Variants in LRRC4C observed in about 807,000 individuals in gnomAD.
LRRC4C encodes leucine-rich repeat-containing protein 4C.
Under a neutral mutation model 33.6 loss-of-function variants are expected in LRRC4C, and 5 were observed. That is an observed-to-expected ratio of 0.15 (90% confidence interval 0.08 to 0.31). The LOEUF (loss-of-function observed/expected upper bound fraction) is 0.31. Ranked by LOEUF, LRRC4C falls within the 10% of genes least tolerant of loss-of-function variation. LRRC4C has a pLI of 1.00. For missense variants in LRRC4C, 560 were observed against 796.7 expected, an observed-to-expected ratio of 0.70 and a Z score of 3.58; for synonymous variants, 329 against 302.0, an observed-to-expected ratio of 1.09 and a Z score of -0.93.
chr11:40,300,936 G>A (rs950118980), intron 4 of LRRC4C, among the ~76,000 whole-genome samples: 2 of 152,216 alleles, frequency 1.3e-5, no homozygotes, highest in Non-Finnish European at 2.9e-5. Flanking sequence ...AGAAGAGCTA[G>A]GACAGGTGTG....
intron 2 of LRRC4C, among the ~76,000 whole-genome samples, chr11:40,736,105 C>A (rs1339841627): frequency 6.6e-6 from 1 of 151,970 alleles, no homozygotes; most frequent in Non-Finnish European, 1.5e-5. Flanking sequence ...TGGTGGTTTT[C>A]TGTACCCATC....
chr11:40,895,338 C>T (rs902694759), intron 2 of LRRC4C, among the ~76,000 whole-genome samples: 1 of 45,060 alleles, frequency 2.2e-5, no homozygotes, highest in Non-Finnish European at 6.9e-5. Flanking sequence ...TTAAAAAATC[C>T]CCCTCACTAA....
chr11:40,432,679 G>A (rs1016091365), intron 3 of LRRC4C, among the ~76,000 whole-genome samples: 10 of 152,124 alleles, frequency 6.6e-5, no homozygotes, highest in African/African-American at 2.4e-4. Flanking sequence ...GACTCTAACA[G>A]TTTCCTTCTG....
chr11:40,604,902 G>T (rs1476195880), intron 3 of LRRC4C, among the ~76,000 whole-genome samples: 5 of 151,998 alleles, frequency 3.3e-5, no homozygotes, highest in Middle Eastern at 3.2e-3. Context: ...ATGTGAGAAG[G>T]CACAAAGTCC....
intron 1 of LRRC4C, among the ~76,000 whole-genome samples, chr11:41,243,823 A>G (rs1298072005): frequency 6.6e-6 from 1 of 152,028 alleles, no homozygotes; most frequent in East Asian, 1.9e-4. Context: ...GGTGATATAT[A>G]ATATATATAT....
chr11:41,370,573 G>C (rs1952709190), intron 1 of LRRC4C, among the ~76,000 whole-genome samples: 1 of 152,202 alleles, frequency 6.6e-6, no homozygotes, highest in African/African-American at 2.4e-5. Flanking sequence ...CATGTAAGAA[G>C]CGCCTTTCTC....
chr11:40,660,448 C>T (rs1289715730), intron 2 of LRRC4C, among the ~76,000 whole-genome samples: 3 of 152,206 alleles, frequency 2.0e-5, no homozygotes, highest in Non-Finnish European at 4.4e-5. Flanking sequence ...GATCCTGTGA[C>T]AAAAGTGCAG....
At chr11:40,715,274 C>T (rs1450842742) in intron 2 of LRRC4C, among the ~76,000 whole-genome samples, 1 of 152,070 alleles carries the variant, frequency 6.6e-6, no homozygotes, top group East Asian at 1.9e-4. Context: ...AATAAGAAAA[C>T]CCAAATAGAA....
At chr11:40,673,395 C>A (rs1227393189) in intron 2 of LRRC4C, among the ~76,000 whole-genome samples, 2 of 152,046 alleles carry the variant, frequency 1.3e-5, no homozygotes, top group Non-Finnish European at 1.5e-5. Context: ...AATAGTAACA[C>A]CTAATATCGG....
intron 3 of LRRC4C, among the ~76,000 whole-genome samples, chr11:40,357,301 G>A (rs1379666359): frequency 6.6e-6 from 1 of 152,232 alleles, no homozygotes; most frequent in Non-Finnish European, 1.5e-5. Context: ...TTATAGCTCT[G>A]AGACTGGAGG....
chr11:40,248,294 A>G (rs1866502742), intron 4 of LRRC4C, among the ~76,000 whole-genome samples: 1 of 152,120 alleles, frequency 6.6e-6, no homozygotes, highest in Non-Finnish European at 1.5e-5. Context: ...AGTACTTATA[A>G]CAGTGCATTA....
chr11:40,691,514 C>G (rs1945220298), intron 2 of LRRC4C, among the ~76,000 whole-genome samples: 1 of 152,078 alleles, frequency 6.6e-6, no homozygotes, highest in Non-Finnish European at 1.5e-5. Flanking sequence ...TGTAAAACAA[C>G]TGTGCAAGAG....
intron 2 of LRRC4C, among the ~76,000 whole-genome samples, chr11:40,696,901 C>A (rs945176490): frequency 4.0e-5 from 6 of 151,266 alleles, no homozygotes; most frequent in Admixed American, 2.0e-4. Context: ...TATGAATTAG[C>A]CAACAACTTC....
intron 5 of LRRC4C, among the ~76,000 whole-genome samples, chr11:40,173,863 G>A (rs1447506791): frequency 2.6e-5 from 4 of 152,158 alleles, no homozygotes; most frequent in Admixed American, 2.6e-4. Context: ...GGTATTCAAT[G>A]AATACTTATG....
Position 41,070,459 on chromosome 11 carries a change from CT to C in LRRC4C, c.-495-136737del, listed in dbSNP as rs1313833481. ...AAAAGCTTCTGCATAGCAAAAGAAA[CT>C]ATCACCAGAATGAAAAGGCAATCTA... On this transcript the variant is annotated intron_variant, in intron 1 of 6. Transcript: ENST00000528697. 3.9e-5 allele frequency among the ~76,000 whole-genome samples: 6 copies of C among 152,126 alleles called. No individual in the cohort carries two copies. The South Asian group carries it at 6.2e-4, about 16-fold the overall frequency.
chr11:40,178,539 T>C (rs1860708861), intron 5 of LRRC4C, among the ~76,000 whole-genome samples: 2 of 152,238 alleles, frequency 1.3e-5, no homozygotes, highest in Admixed American at 1.3e-4. Context: ...TAAACTGCTT[T>C]ATGGCCTTCT....
intron 1 of LRRC4C, among the ~76,000 whole-genome samples, chr11:41,216,765 T>G (rs1186490311): frequency 3.9e-5 from 6 of 152,158 alleles, no homozygotes; most frequent in Admixed American, 3.9e-4. Flanking sequence ...CTGACAAGTA[T>G]GAGAAAAGTG....
intron 2 of LRRC4C, among the ~76,000 whole-genome samples, chr11:40,782,550 C>T (rs907018890): frequency 2.6e-5 from 4 of 151,984 alleles, no homozygotes; most frequent in African/African-American, 9.7e-5. Flanking sequence ...CATTCTCATA[C>T]TCTTGGCCTT....
intron 2 of LRRC4C, among the ~76,000 whole-genome samples, chr11:40,927,688 T>C (rs1228735031): frequency 6.6e-6 from 1 of 152,142 alleles, no homozygotes; most frequent in Non-Finnish European, 1.5e-5. Context: ...TTAAAGCCTC[T>C]TCGGGCAGTT....
Sources: gnomAD v4.1 joint callset for allele counts (sites outside exome capture counted in the v4.1 genomes callset) on GRCh38, gnomAD v4.1.1 for gene constraint, MANE v1.5 for transcripts, NCBI Gene and HGNC (gene_info 2026-07-23, HGNC 2026-07-21) for gene names.